The following PEDS1 variants were observed in gnomAD, a reference collection of about 807,000 sequenced individuals.
The protein encoded by PEDS1 is plasmanylethanolamine desaturase 1, also known as CarF homolog.
Under a neutral mutation model 35.2 loss-of-function variants are expected in PEDS1, and 14 were observed. That is an observed-to-expected ratio of 0.40 (90% CI 0.26 to 0.62). The LOEUF is 0.62. Among genes scored for constraint, PEDS1 ranks in the 20% least tolerant of loss-of-function variants. The pLI is 0.44. For synonymous variants in PEDS1, 152 were observed against 152.0 expected (o/e 1.00, Z 0.00); for missense variants, 260 against 367.8 (o/e 0.71, Z 2.40).
rs879072355 is a variant in PEDS1, at chr20:50,124,830, A to G, written c.*228T>C. ...GGCTGGCAGAGTCAGGCTTGCAGAT[A>G]GAGCAACTCAGGTGGCTGAGGAGGG... On this transcript the variant is annotated 3_prime_UTR_variant, in exon 6 of 6. Transcript: ENST00000371652. 16 of 480,156 alleles carry G rather than the reference A, an allele frequency of 3.3e-5. 1 individual carries two copies. In the South Asian group the frequency reaches 3.7e-4, roughly 11 times the overall value. 29.7% of individuals were successfully genotyped at this position (480,156 alleles called of 1,614,324 possible). A position where few individuals can be genotyped will look rare whatever the true frequency, so the allele number is the denominator to read the frequency against.
intron 2 of PEDS1, among the ~76,000 whole-genome samples, chr20:50,133,049 T>C (rs886648208): frequency 6.6e-6 from 1 of 152,136 alleles, no homozygotes; most frequent in Admixed American, 6.5e-5. Context: ...GATTCTGAGT[T>C]CTGCTGGTGC....
intron 5 of PEDS1, among the ~76,000 whole-genome samples, chr20:50,127,267 C>T (rs147953053): frequency 6.6e-6 from 1 of 151,692 alleles, no homozygotes; most frequent in African/African-American, 2.4e-5. Flanking sequence ...AGCCACGCTA[C>T]ACATTTTATT....
intron 1 of PEDS1, among the ~76,000 whole-genome samples, chr20:50,149,167 A>C (rs1436356082): frequency 1.3e-5 from 2 of 152,130 alleles, no homozygotes; most frequent in Admixed American, 1.3e-4. Flanking sequence ...CAGAGACAAA[A>C]GGAGCAAAAA....
Position 50,153,628 on chromosome 20 carries a change from C to T in PEDS1, c.10G>A (p.Ala4Thr), listed in dbSNP as rs749901591. 2.4e-6 allele frequency: 3 copies of T among 1,270,788 alleles called. No homozygotes were observed. The highest frequency in any genetic ancestry group is 2.5e-5 in the South Asian group (1 of 39,280). 78.7% of individuals were successfully genotyped at this position (1,270,788 alleles called of 1,614,324 possible). ...AGCTGCTGGCCCGGCCAGTTCTCGG[C>T]GCCCGCCATGGCCACTCGCCCGATC... MAG[A>T]ENWPGQQLEL... The change falls in exon 1 of 6, where the codon GCC becomes ACC. Residue 4 changes from alanine to threonine, a missense_variant. By Grantham distance (58) the Ala-to-Thr change is moderately conservative. Around this residue, in one of 4 missense-constraint regions of PEDS1, gnomAD observed 114 missense variants for 121.6 expected, o/e 0.94. Transcript: ENST00000371652.
rs2081431594 is a variant in PEDS1 at position 50,153,689 on chromosome 20, GGCCGC to G, written c.-57_-53del. The G allele has an allele frequency of 8.4e-7, 1 of 1,195,984 alleles. No individual in the cohort carries two copies. The highest frequency in any genetic ancestry group is 1.0e-6 in the Non-Finnish European group (1 of 965,440). The allele number at this position is 1,195,984 out of a possible 1,614,324, so 74.1% of individuals were successfully genotyped here. ...GCTCTGCTGGCGGCGGCGGCGGCAG[GGCCGC>G]GGAACCGCGGCGAGATCACGCCGCC... On this transcript the variant is annotated 5_prime_UTR_variant, in exon 1 of 6. Coordinates refer to ENST00000371652, the MANE Select transcript of PEDS1 (RefSeq NM_199129.4).
chr20:50,130,759 T>C (rs1021617694), intron 3 of PEDS1, 97 bp downstream of exon 3: 8 of 1,428,960 alleles, frequency 5.6e-6, no homozygotes, highest in Non-Finnish European at 7.7e-6. Context: ...TTCCCATCTT[T>C]CAGATAGGGA....
intron 5 of PEDS1, among the ~76,000 whole-genome samples, chr20:50,126,199 C>T (rs1304565236): frequency 6.6e-6 from 1 of 152,136 alleles, no homozygotes; most frequent in Non-Finnish European, 1.5e-5. Flanking sequence ...TACAGCCAGG[C>T]GCAGAGTAGG....
rs6012845 is a variant in PEDS1 at position 50,118,793 on chromosome 20, C to T, written c.*6265G>A. ...CGCCACCACACCCAGCTAATTATTTCTTTTGTATTTTTGGTAGAGACGGGG... is the reference window on the plus strand; with the variant it reads ...CGCCACCACACCCAGCTAATTATTTTTTTTGTATTTTTGGTAGAGACGGGG... On this transcript the variant is annotated 3_prime_UTR_variant, in exon 6 of 6. Transcript: ENST00000371652. The T allele has an allele frequency of 0.6, 91,555 of 151,690 alleles. 29,409 individuals are homozygous for T. The highest frequency in any genetic ancestry group is 0.85 in the African/African-American group (35,076 of 41,378). 9.4% of individuals were successfully genotyped at this position (151,690 alleles called of 1,614,324 possible). A position where few individuals can be genotyped will look rare whatever the true frequency, so the allele number is the denominator to read the frequency against.
intron 2 of PEDS1, among the ~76,000 whole-genome samples, chr20:50,139,679 CTTTT>C (rs11479032): frequency 1.5e-5 from 2 of 137,316 alleles, no homozygotes; most frequent in Non-Finnish European, 1.6e-5. Context: ...GGATTTCTTT[CTTTT>C]TTTTTTTTTT....
intron 1 of PEDS1, among the ~76,000 whole-genome samples, chr20:50,145,594 G>A (rs1046295750): frequency 3.3e-5 from 5 of 152,072 alleles, no homozygotes; most frequent in African/African-American, 1.2e-4. Context: ...ACTCGGGAGA[G>A]GCAGGAGAAT....
intron 2 of PEDS1, among the ~76,000 whole-genome samples, chr20:50,139,725 G>A (rs963847653): frequency 2.7e-5 from 4 of 150,482 alleles, no homozygotes; most frequent in Non-Finnish European, 5.9e-5. Context: ...TGTCGCCCAG[G>A]CTAGAGTGCA....
At chr20:50,147,182 C>G (rs1452106437) in intron 1 of PEDS1, among the ~76,000 whole-genome samples, 2 of 152,204 alleles carry the variant, frequency 1.3e-5, no homozygotes, top group Non-Finnish European at 2.9e-5. Flanking sequence ...TGGCCCATAT[C>G]GGAGAGGTTG....
chr20:50,125,318 G>A, intron 5 of PEDS1, 139 bp from the exon 6 acceptor site: 1 of 1,191,996 alleles, frequency 8.4e-7, no homozygotes, highest in Non-Finnish European at 1.2e-6. Flanking sequence ...ACCGGCCAAG[G>A]AACTGGAAGT....
At chr20:50,153,473 G>T (rs367690850) in intron 1 of PEDS1, 44 bp downstream of exon 1, 4 of 1,298,336 alleles carry the variant, frequency 3.1e-6, no homozygotes, top group Admixed American at 7.8e-5. Flanking sequence ...GTCCGCAGCC[G>T]GGGCTGGTGA....
Position 50,128,149 on chromosome 20 carries a change from AGAC to A in PEDS1, c.514_516del (p.Val172del). On this transcript the variant is annotated inframe_deletion, in exon 5 of 6. Coordinates refer to ENST00000371652, the MANE Select transcript of PEDS1 (RefSeq NM_199129.4). The surrounding 1 kb of genome is among the most constrained non-coding windows in gnomAD (Gnocchi z 5.2). The stretch of plus-strand genomic sequence containing the variant: ...AAGGTGCCGAAGATGATCAGGCAGA[AGAC>A]GAAGCACTCCCAGGGGTATAGCTGC... 6.2e-7 allele frequency: 1 copy of A among 1,614,138 alleles called. No homozygotes were observed. The highest frequency in any genetic ancestry group is 1.1e-5 in the South Asian group (1 of 91,084).
intron 2 of PEDS1, among the ~76,000 whole-genome samples, chr20:50,135,680 A>AAAAAAAAC (rs2081227131): frequency 6.6e-6 from 1 of 151,550 alleles, no homozygotes; most frequent in African/African-American, 2.4e-5. Flanking sequence ...AAAAAAAAAA[A>AAAAAAAAC]AAGCATTTCC....
chr20:50,148,570 G>A (rs2081369621), intron 1 of PEDS1, among the ~76,000 whole-genome samples: 1 of 152,206 alleles, frequency 6.6e-6, no homozygotes, highest in Non-Finnish European at 1.5e-5. Context: ...GGGGAGGCCT[G>A]GGGTCATGCC....
rs368208506 is a variant in PEDS1 at position 50,128,442 on chromosome 20, G to T, written c.479-255C>A. ...ATGGCAATGGCTGGGAATGTAGACCGGAGTCAGCTGGAGCTGGGTTCCGAT... is the reference window on the plus strand; with the variant it reads ...ATGGCAATGGCTGGGAATGTAGACCTGAGTCAGCTGGAGCTGGGTTCCGAT... On this transcript the variant is annotated intron_variant, in intron 4 of 5. Coordinates refer to ENST00000371652, the MANE Select transcript of PEDS1 (RefSeq NM_199129.4). This position sits in a 1 kb window ranked among gnomAD's most constrained non-coding sequence, Gnocchi z 5.2. Among the ~76,000 whole-genome samples, 1 of 152,346 alleles carries T rather than the reference G, an allele frequency of 6.6e-6. No homozygotes were observed. Among genetic ancestry groups the T allele is most frequent in the South Asian group, 2.1e-4 (1 of 4,828 alleles).
rs2081149830 is a variant in PEDS1 at position 50,129,455 on chromosome 20, G to A, written c.478+91C>T. On this transcript the variant is annotated intron_variant, in intron 4 of 5. Coordinates refer to ENST00000371652, the MANE Select transcript of PEDS1 (RefSeq NM_199129.4). This position sits in a 1 kb window ranked among gnomAD's most constrained non-coding sequence, Gnocchi z 4.2. ...TGAAAACTCTTTTAAAATACCATAA[G>A]GAGCCAAACACATAAGCCCCAGAAG... is the stretch of plus-strand genomic sequence containing the variant. 9 of 1,523,004 alleles carry A rather than the reference G, an allele frequency of 5.9e-6. No homozygotes were observed. The South Asian group carries it at 9.9e-5, about 17-fold the overall frequency. 94.3% of individuals were successfully genotyped at this position (1,523,004 alleles called of 1,614,324 possible).
Sources: gnomAD v4.1 joint callset for allele counts (sites outside exome capture counted in the v4.1 genomes callset) on GRCh38, gnomAD v4.1.1 for gene constraint, gnomAD v4.1.1 regional missense constraint, Gnocchi (gnomAD v3.1) non-coding constraint, MANE v1.5 for transcripts, NCBI Gene and HGNC (gene_info 2026-07-23, HGNC 2026-07-21) for gene names.